ZNF845: variants seen among roughly 807,000 people sequenced by gnomAD.
ZNF845 encodes zinc finger protein 845.
ZNF845 carries 59 observed loss-of-function variants against 76.1 expected under a neutral mutation model. The observed-to-expected ratio is 0.78, with a 90% CI of 0.63 to 0.96. The LOEUF is 0.96. ZNF845 is among the 40% of genes least tolerant of loss of function. The pLI is 0.00. For missense variants in ZNF845, 1,045 were observed against 1,172.8 expected, an observed-to-expected ratio of 0.89 and a Z score of 1.59; for synonymous variants, 361 against 386.9, an observed-to-expected ratio of 0.93 and a Z score of 0.78.
At position 53,352,837 on chromosome 19, in the gene ZNF845, G is replaced by C; in HGVS notation, c.2162G>C (p.Cys721Ser). Reference sequence around the variant, plus strand: ...CATACTGGAGAGAAACCTTACAAGTGTAATGAGTGTGGCAAGGCCTTCAGT... The same window carrying C: ...CATACTGGAGAGAAACCTTACAAGTCTAATGAGTGTGGCAAGGCCTTCAGT... Reference protein sequence around the residue: ...AIHTGEKPYKCNECGKAFSQK... With the variant: ...AIHTGEKPYKSNECGKAFSQK... The change falls in exon 4 of 4, where the codon TGT (cysteine) becomes TCT (serine). Residue 721 changes from cysteine (C) to serine (S), a missense_variant. By Grantham distance (112) the Cys-to-Ser change is moderately radical. Transcript: ENST00000458035. The C allele has an allele frequency of 6.2e-7, 1 of 1,614,148 alleles. No individual in the cohort carries two copies. Among genetic ancestry groups the C allele is most frequent in the Non-Finnish European group, 8.5e-7 (1 of 1,180,012 alleles).
At chr19:53,344,442 G>A (rs182937916) in intron 2 of ZNF845, among the ~76,000 whole-genome samples, 2,129 of 152,078 alleles carry the variant, frequency 0.014, 19 homozygotes, top group Middle Eastern at 0.027. Context: ...GGAGACTGAG[G>A]CAGGAGAATC....
Position 53,350,932 on chromosome 19 carries a change from G to A in ZNF845, c.257G>A (p.Cys86Tyr). The A allele has an allele frequency of 1.9e-6, 3 of 1,614,140 alleles. 1 individual carries two copies. The highest frequency in any genetic ancestry group is 2.5e-6 in the Non-Finnish European group (3 of 1,180,024). ...GAACGTCATCACATTGGAGATTTTT[G>A]CTTCCAGGAAATGGAGAAAGATATT... is the stretch of plus-strand genomic sequence containing the variant. ...RHERHHIGDF[C>Y]FQEMEKDIHD... Residue 86 changes from cysteine (C) to tyrosine (Y), a missense_variant, in exon 4 of 4, where the codon TGC becomes TAC. Coordinates refer to ENST00000458035, the MANE Select transcript of ZNF845 (RefSeq NM_138374.3).
At chr19:53,335,077 T>A (rs1325953506) in intron 1 of ZNF845, among the ~76,000 whole-genome samples, 1 of 152,172 alleles carries the variant, frequency 6.6e-6, no homozygotes, top group Non-Finnish European at 1.5e-5. Flanking sequence ...ATAAGACACA[T>A]ACATTCTGTA....
intron 3 of ZNF845, among the ~76,000 whole-genome samples, chr19:53,348,202 A>G (rs1311270647): frequency 1.3e-5 from 2 of 152,128 alleles, no homozygotes; most frequent in African/African-American, 4.8e-5. Context: ...AGGTGGGAGA[A>G]TCTCTTCAGG....
At position 53,352,470 on chromosome 19, in the gene ZNF845, A is replaced by G; in HGVS notation, c.1795A>G (p.Arg599Gly). ...TGCTACAACCATTGCAAATCATTGG[A>G]GAATCCATAATGAAGAGAGATCGTA... is the stretch of plus-strand genomic sequence containing the variant. ...SNATTIANHW[R>G]IHNEERSYKC... Residue 599 changes from arginine to glycine, a missense_variant, in exon 4 of 4, where the codon AGA (arginine) becomes GGA (glycine). By Grantham distance (125) the Arg-to-Gly change is moderately radical (BLOSUM62 -2). Transcript: ENST00000458035. 6.2e-7 allele frequency: 1 copy of G among 1,613,480 alleles called. No homozygotes were observed. Among genetic ancestry groups the G allele is most frequent in the Non-Finnish European group, 8.5e-7 (1 of 1,179,606 alleles).
intron 1 of ZNF845, among the ~76,000 whole-genome samples, chr19:53,335,132 G>A (rs546802545): frequency 8.5e-5 from 13 of 152,264 alleles, no homozygotes; most frequent in African/African-American, 3.1e-4. Context: ...TCCCTATTCA[G>A]CCAGAGGGTA....
In ZNF845 at chr19:53,351,831, A is replaced by G. The variant is rs1252257416; in HGVS notation, c.1156A>G (p.Asn386Asp). 6.2e-7 allele frequency: 1 copy of G among 1,613,828 alleles called. No homozygotes were observed. ...TACTGGAGAGAAACCTTACAAGTGTAATGAATGCAGCAGGACCTTTAGTCG... is the reference window on the plus strand; with the variant it reads ...TACTGGAGAGAAACCTTACAAGTGTGATGAATGCAGCAGGACCTTTAGTCG... ...IHTGEKPYKC[N>D]ECSRTFSRKS... The change falls in exon 4 of 4, where the codon AAT (asparagine) becomes GAT (aspartate). Residue 386 changes from asparagine to aspartate, a missense_variant. Physicochemically the swap from Asn to Asp is conservative, Grantham distance 23 (BLOSUM62 1). Transcript: ENST00000458035.
intron 1 of ZNF845, among the ~76,000 whole-genome samples, chr19:53,338,450 G>T (rs541155073): frequency 1.6e-4 from 25 of 152,268 alleles, no homozygotes; most frequent in Admixed American, 1.4e-3. Context: ...TCAGCGTCAA[G>T]GGTCCTGGAT....
chr19:53,343,182 A>G (rs1000726513), intron 2 of ZNF845, among the ~76,000 whole-genome samples: 4 of 151,894 alleles, frequency 2.6e-5, no homozygotes, highest in African/African-American at 7.3e-5. Context: ...GTAGACCCCA[A>G]TGTCTGTTGT....
chr19:53,353,193 T>G lies in ZNF845; in HGVS notation c.2518T>G (p.Phe840Val), dbSNP rs780281791. Residue 840 changes from phenylalanine (F) to valine (V), a missense_variant, in exon 4 of 4, where the codon TTC (phenylalanine) becomes GTC (valine). Transcript: ENST00000458035. ...PYKCNECGKTFRHNSALEIHK... is the reference protein window; with the variant it reads ...PYKCNECGKTVRHNSALEIHK... ...CAAGTGTAATGAGTGTGGCAAGACC[T>G]TCCGTCACAATTCAGCCCTTGAAAT... 1.2e-5 allele frequency: 20 copies of G among 1,613,792 alleles called. No individual in the cohort carries two copies. Among genetic ancestry groups the G allele is most frequent in the Admixed American group, 1.7e-5 (1 of 60,006 alleles).
chr19:53,350,528 T>C lies in ZNF845; in HGVS notation c.143-290T>C, dbSNP rs184132976. Reference sequence around the variant, plus strand: ...GTGATATGTTTTTTGCAAAGTCTTATACACTTTAGGGTCACAGTGGAAAAA... The same window carrying C: ...GTGATATGTTTTTTGCAAAGTCTTACACACTTTAGGGTCACAGTGGAAAAA... On this transcript the variant is annotated intron_variant, in intron 3 of 3. Coordinates refer to ENST00000458035, the MANE Select transcript of ZNF845 (RefSeq NM_138374.3). 1.1e-3 allele frequency among the ~76,000 whole-genome samples: 167 copies of C among 152,358 alleles called. 1 individual carries two copies. The highest frequency in any genetic ancestry group is 2.9e-4 in the Non-Finnish European group (20 of 68,036).
In ZNF845 at chr19:53,354,100, G is replaced by T; in HGVS notation, c.*512G>T. 2 of 528,610 alleles carry T rather than the reference G, an allele frequency of 3.8e-6. No individual in the cohort carries two copies. Among genetic ancestry groups the T allele is most frequent in the Non-Finnish European group, 7.3e-6 (2 of 274,110 alleles). The allele number at this position is 528,610 out of a possible 1,614,324, so 32.7% of individuals were successfully genotyped here. A position where few individuals can be genotyped will look rare whatever the true frequency, so the allele number is the denominator to read the frequency against. On this transcript the variant is annotated 3_prime_UTR_variant, in exon 4 of 4. Transcript: ENST00000458035. ...GACAAACTTCACAAGTATGATGATT[G>T]CAGCAAAGCCTTTACTTCACGTTCA...
intron 1 of ZNF845, chr19:53,340,952 CTCTGT>C (rs1377550081): frequency 2.4e-6 from 1 of 412,242 alleles, no homozygotes; most frequent in African/African-American, 2.0e-5. Flanking sequence ...TTCCCCAGGT[CTCTGT>C]TCTGATATCA....
Position 53,351,359 on chromosome 19 carries a change from A to T in ZNF845, c.684A>T (p.Ser228=), listed in dbSNP as rs2085333735. ...GTGGCAAAGCCTTTAATTATAGCTC[A>T]GTCTTAAGGAAACATCAGATAATCC... ...NESGKAFNYS[S]VLRKHQIIHL... is the part of the protein sequence containing the mutation. Residue 228 remains serine, a synonymous_variant, in exon 4 of 4, where the codon TCA becomes TCT. Transcript: ENST00000458035. 2 of 1,614,112 alleles carry T rather than the reference A, an allele frequency of 1.2e-6. No individual in the cohort carries two copies. The highest frequency in any genetic ancestry group is 1.3e-5 in the African/African-American group (1 of 74,948).
intron 2 of ZNF845, among the ~76,000 whole-genome samples, chr19:53,342,799 C>T (rs1025697637): frequency 7.2e-5 from 11 of 152,060 alleles, no homozygotes; most frequent in African/African-American, 9.7e-5. Flanking sequence ...TATTAATCCC[C>T]GTATCCAATA....
At chr19:53,349,907 T>C (rs1415845256) in intron 3 of ZNF845, among the ~76,000 whole-genome samples, 1 of 152,008 alleles carries the variant, frequency 6.6e-6, no homozygotes, top group African/African-American at 2.4e-5. Flanking sequence ...TGGTGATGCA[T>C]GCCTTTAATC....
In ZNF845 at chr19:53,345,571, T is replaced by C; in HGVS notation, c.81T>C (p.Pro27=). The change falls in exon 3 of 4, where the codon CCT becomes CCC. Residue 27 remains proline, a synonymous_variant. Coordinates refer to ENST00000458035, the MANE Select transcript of ZNF845 (RefSeq NM_138374.3). ...FSQEEWKCLD[P]AQRTLYRDVM... is the part of the protein sequence containing the mutation. ...AGGAAGAGTGGAAGTGCCTGGACCC[T>C]GCTCAGAGGACTCTATACAGGGACG... 6.2e-7 allele frequency: 1 copy of C among 1,613,472 alleles called. No individual in the cohort carries two copies. Among genetic ancestry groups the C allele is most frequent in the Non-Finnish European group, 8.5e-7 (1 of 1,179,458 alleles).
intron 2 of ZNF845, among the ~76,000 whole-genome samples, chr19:53,344,207 T>C (rs2085277421): frequency 6.6e-6 from 1 of 152,176 alleles, no homozygotes; most frequent in South Asian, 2.1e-4. Context: ...ACTCATACCC[T>C]GTCTCATCTA....
chr19:53,354,166 C>A lies in ZNF845; in HGVS notation c.*578C>A. The A allele has an allele frequency of 1.4e-6, 1 of 703,156 alleles. No homozygotes were observed. Among genetic ancestry groups the A allele is most frequent in the South Asian group, 1.4e-5 (1 of 73,608 alleles). 43.6% of individuals were successfully genotyped at this position (703,156 alleles called of 1,614,324 possible). A position where few individuals can be genotyped will look rare whatever the true frequency, so the allele number is the denominator to read the frequency against. On this transcript the variant is annotated 3_prime_UTR_variant, in exon 4 of 4. Transcript: ENST00000458035. Reference sequence around the variant, plus strand: ...CAGAGAATCCATACTGGACAGAAATCTTACAAATGTCATCAGTGTGGCAAG... The same window carrying A: ...CAGAGAATCCATACTGGACAGAAATATTACAAATGTCATCAGTGTGGCAAG...
Sources: gnomAD v4.1 joint callset for allele counts (sites outside exome capture counted in the v4.1 genomes callset) on GRCh38, gnomAD v4.1.1 for gene constraint, MANE v1.5 for transcripts, NCBI Gene and HGNC (gene_info 2026-07-23, HGNC 2026-07-21) for gene names.